The following PCMTD1 variants were observed in gnomAD, a reference collection of about 807,000 sequenced individuals.
PCMTD1 encodes the protein protein-L-isoaspartate (D-aspartate) O-methyltransferase domain containing 1, also known as protein-L-isoaspartate O-methyltransferase domain-containing protein 1.
Under a neutral mutation model 37.6 loss-of-function variants are expected in PCMTD1, and 12 were observed. The ratio of observed to expected loss-of-function variants is 0.32; its 90% confidence interval spans 0.20 to 0.52. PCMTD1 has a LOEUF of 0.52. PCMTD1 is among the 20% of genes least tolerant of loss of function. The pLI, the probability that PCMTD1 is intolerant of heterozygous loss-of-function variation, is 0.97. For missense variants in PCMTD1, 235 were observed against 421.3 expected (o/e 0.56, Z 3.87); for synonymous variants, 117 against 135.8 (o/e 0.86, Z 0.96).
At chr8:51,864,397 C>T (rs2038520773) in intron 1 of PCMTD1, among the ~76,000 whole-genome samples, 1 of 152,066 alleles carries the variant, frequency 6.6e-6, no homozygotes, top group South Asian at 2.1e-4. Flanking sequence ...ACCAAATGGA[C>T]CTAAAAGACA....
intron 1 of PCMTD1, among the ~76,000 whole-genome samples, chr8:51,867,515 GTGTGTA>G (rs2038573806): frequency 7.3e-6 from 1 of 137,484 alleles, no homozygotes; most frequent in African/African-American, 2.7e-5. Flanking sequence ...GTGTGTGTGT[GTGTGTA>G]TAGGAATTTG....
At chr8:51,830,246 A>G (rs531740034) in intron 5 of PCMTD1, among the ~76,000 whole-genome samples, 13 of 152,170 alleles carry the variant, frequency 8.5e-5, no homozygotes, top group African/African-American at 3.1e-4. Context: ...AAATGATCTC[A>G]TCCATTTCTA....
At chr8:51,893,594 C>G (rs746010712) in intron 1 of PCMTD1, among the ~76,000 whole-genome samples, 7 of 152,110 alleles carry the variant, frequency 4.6e-5, no homozygotes, top group Admixed American at 3.9e-4. Context: ...TCTGACTCAA[C>G]AGCATGGAAA....
chr8:51,832,372 C>T (rs1481952568), intron 4 of PCMTD1, among the ~76,000 whole-genome samples: 1 of 152,110 alleles, frequency 6.6e-6, no homozygotes, highest in African/African-American at 2.4e-5. Flanking sequence ...TATACTCTGC[C>T]TTTTTAATAT....
intron 1 of PCMTD1, among the ~76,000 whole-genome samples, chr8:51,875,737 G>A (rs1352106489): frequency 6.6e-6 from 1 of 152,108 alleles, no homozygotes; most frequent in Non-Finnish European, 1.5e-5. Context: ...TGAGACCAAC[G>A]TGGGCAACAT....
chr8:51,844,915 T>C (rs1213985197), intron 3 of PCMTD1: 1 of 152,214 alleles, frequency 6.6e-6, no homozygotes, highest in Non-Finnish European at 1.5e-5. Flanking sequence ...TAAGCTTGTG[T>C]TTTCTATCCT....
rs374102647 is a variant in PCMTD1, at chr8:51,855,443, G to T, written c.307+5402C>A. 5.6e-4 allele frequency among the ~76,000 whole-genome samples: 85 copies of T among 150,670 alleles called. 1 individual carries two copies. The highest frequency in any genetic ancestry group is 1.7e-3 in the African/African-American group (70 of 41,206). On this transcript the variant is annotated intron_variant, in intron 2 of 5. Coordinates refer to ENST00000522514, the MANE Select transcript of PCMTD1 (RefSeq NM_052937.4). ...AGCTACTCAGGAGGCTGAGGCAGGAGAATCAACTGAACCTGGGAGGCACAG... is the reference window on the plus strand; with the variant it reads ...AGCTACTCAGGAGGCTGAGGCAGGATAATCAACTGAACCTGGGAGGCACAG...
intron 2 of PCMTD1, among the ~76,000 whole-genome samples, chr8:51,852,005 C>T (rs1378732096): frequency 2.0e-5 from 3 of 152,190 alleles, no homozygotes; most frequent in Non-Finnish European, 4.4e-5. Flanking sequence ...TCAGCTCTTT[C>T]ATTCCACTGC....
rs145411307 is a variant in PCMTD1, at chr8:51,831,633, CA to C, written c.583-67del. On this transcript the variant is annotated intron_variant, in intron 4 of 5. Transcript: ENST00000522514. Reference sequence around the variant, plus strand: ...CCCAACAATGTGGTCACCTTACAGTCAAAACTTTGTTTTAAGGGAACAACTG... The same window carrying C: ...CCCAACAATGTGGTCACCTTACAGTCAAACTTTGTTTTAAGGGAACAACTG... The C allele has an allele frequency of 1.0e-3, 1,535 of 1,500,840 alleles. 16 individuals carry two copies. In the African/African-American group the frequency reaches 0.019, roughly 19 times the overall value. 93.0% of individuals were successfully genotyped at this position (1,500,840 alleles called of 1,614,324 possible).
At chr8:51,834,241 T>C (rs1015597461) in intron 3 of PCMTD1, among the ~76,000 whole-genome samples, 3 of 152,210 alleles carry the variant, frequency 2.0e-5, no homozygotes, top group African/African-American at 7.2e-5. Flanking sequence ...TAATAAATTT[T>C]GGCTGAGGAA....
At chr8:51,843,336 TA>T (rs2038174266) in intron 3 of PCMTD1, among the ~76,000 whole-genome samples, 1 of 152,074 alleles carries the variant, frequency 6.6e-6, no homozygotes, top group African/African-American at 2.4e-5. Context: ...ATTAGGATAA[TA>T]AAATTTTCAG....
chr8:51,839,389 A>C (rs2129278498), intron 3 of PCMTD1: 1 of 887,804 alleles, frequency 1.1e-6, no homozygotes, highest in East Asian at 1.2e-4. Context: ...GCACACAGAT[A>C]TCTCGGTTTA....
intron 1 of PCMTD1, among the ~76,000 whole-genome samples, chr8:51,869,464 C>T (rs1472063061): frequency 6.6e-6 from 1 of 151,982 alleles, no homozygotes. Context: ...CCTCAGAGCT[C>T]TAATTTCCAT....
intron 2 of PCMTD1, 175 bp downstream of exon 2, chr8:51,860,670 C>G (rs9298465): frequency 0.8 from 464,961 of 579,120 alleles, 198,435 homozygotes; most frequent in Non-Finnish European, 0.9. Context: ...GGTAAGGACT[C>G]GGAATGAAAA....
At chr8:51,843,767 A>G (rs1041620242) in intron 3 of PCMTD1, among the ~76,000 whole-genome samples, 1 of 152,160 alleles carries the variant, frequency 6.6e-6, no homozygotes, top group African/African-American at 2.4e-5. Context: ...AATAAGCTTG[A>G]GCTCCACAGA....
intron 1 of PCMTD1, among the ~76,000 whole-genome samples, chr8:51,863,406 CAAG>C (rs1363659809): frequency 6.6e-6 from 1 of 152,070 alleles, no homozygotes; most frequent in African/African-American, 2.4e-5. Flanking sequence ...GAGAAAAAGG[CAAG>C]AAGAAGAATG....
chr8:51,878,508 A>G (rs2038747195), intron 1 of PCMTD1, among the ~76,000 whole-genome samples: 1 of 152,174 alleles, frequency 6.6e-6, no homozygotes, highest in Admixed American at 6.5e-5. Context: ...GCACTTTGGG[A>G]GGCTGAGGCA....
At chr8:51,884,358 G>A (rs1174530397) in intron 1 of PCMTD1, among the ~76,000 whole-genome samples, 1 of 152,136 alleles carries the variant, frequency 6.6e-6, no homozygotes, top group Non-Finnish European at 1.5e-5. Context: ...TCAGCTGACT[G>A]GGAACAATCA....
chr8:51,837,704 T>A (rs2038087783), intron 3 of PCMTD1, among the ~76,000 whole-genome samples: 1 of 152,138 alleles, frequency 6.6e-6, no homozygotes. Context: ...TGAACTTAGG[T>A]TTTTCTGACT....
Sources: gnomAD v4.1 joint callset for allele counts (sites outside exome capture counted in the v4.1 genomes callset) on GRCh38, gnomAD v4.1.1 for gene constraint, MANE v1.5 for transcripts, NCBI Gene and HGNC (gene_info 2026-07-23, HGNC 2026-07-21) for gene names.